The following SREBF2 variants were observed in gnomAD, a reference collection of about 807,000 sequenced individuals.
SREBF2 encodes the protein sterol regulatory element-binding protein 2.
Under a neutral mutation model 113.1 loss-of-function variants are expected in SREBF2, and 55 were observed. The observed-to-expected ratio is 0.49, with a 90% confidence interval of 0.39 to 0.61. SREBF2 has a LOEUF of 0.61. Ranked by LOEUF, SREBF2 falls within the 20% of genes least tolerant of loss-of-function variation. SREBF2 has a pLI of 0.00. For synonymous variants in SREBF2, 593 were observed against 605.7 expected (o/e 0.98, Z 0.31); for missense variants, 1,349 against 1,487.4 (o/e 0.91, Z 1.53).
Position 41,893,229 on chromosome 22 carries a change from G to A in SREBF2, c.2321G>A (p.Ser774Asn), listed in dbSNP as rs541405592. ...GGCCAGAAGTTTTTCATGGAGCGGA[G>A]CTGGTCTGTGAAGTCAGCTGCCAAG... Reference protein sequence around the residue: ...PLGQKFFMERSWSVKSAAKES... With the variant: ...PLGQKFFMERNWSVKSAAKES... The change falls in exon 12 of 19, where the codon AGC becomes AAC. Residue 774 changes from serine to asparagine, a missense_variant. Physicochemically the swap from Ser to Asn is conservative, Grantham distance 46. Coordinates refer to ENST00000361204, the MANE Select transcript of SREBF2 (RefSeq NM_004599.4). The A allele has an allele frequency of 5.0e-5, 81 of 1,614,080 alleles. No homozygotes were observed. Among genetic ancestry groups the A allele is most frequent in the Non-Finnish European group, 6.4e-5 (75 of 1,180,054 alleles).
Position 41,897,136 on chromosome 22 carries a change from G to C in SREBF2, c.2580G>C (p.Arg860Ser), listed in dbSNP as rs2228313. ...SVGVMSPPLSRSSVLKSALGP... is the reference protein window; with the variant it reads ...SVGVMSPPLSSSSVLKSALGP... The stretch of plus-strand genomic sequence containing the variant: ...GGGTTATGAGCCCCCCACTCTCCAG[G>C]AGCTCCGTGCTCAAGTCCGCCCTGG... The change falls in exon 14 of 19, where the codon AGG (arginine) becomes AGC (serine). Residue 860 changes from arginine to serine, a missense_variant. Physicochemically the swap from Arg to Ser is moderately radical, Grantham distance 110 (BLOSUM62 -1). Around this residue, in one of 2 missense-constraint regions of SREBF2, gnomAD observed 650 missense variants for 644.1 expected, o/e 1.01. Transcript: ENST00000361204. The C allele has an allele frequency of 0.076, 122,355 of 1,611,262 alleles. 4,874 individuals carry two copies. Among genetic ancestry groups the C allele is most frequent in the Non-Finnish European group, 0.081 (95,900 of 1,179,300 alleles).
At position 41,833,374 on chromosome 22, in the gene SREBF2, GT is replaced by G; in HGVS notation, c.88+17del. ...GACATCGACGGTGAGTGGTGGGTGG[GT>G]GGGAGTGCGGGGGCCGCGCGGGGAG... On this transcript the variant is annotated intron_variant, in intron 1 of 18. Coordinates refer to ENST00000361204, the MANE Select transcript of SREBF2 (RefSeq NM_004599.4). The surrounding 1 kb of genome is among the most constrained non-coding windows in gnomAD (Gnocchi z 4.1). The G allele has an allele frequency of 1.3e-6, 2 of 1,499,548 alleles. No individual in the cohort carries two copies. Among genetic ancestry groups the G allele is most frequent in the Non-Finnish European group, 1.8e-6 (2 of 1,111,860 alleles). The allele number at this position is 1,499,548 out of a possible 1,614,324, so 92.9% of individuals were successfully genotyped here.
chr22:41,892,421 G>A (rs1347329624), intron 11 of SREBF2, among the ~76,000 whole-genome samples: 4 of 152,184 alleles, frequency 2.6e-5, no homozygotes, highest in South Asian at 2.1e-4. Context: ...AGGCCGAGAC[G>A]GGCGGATCAC....
In SREBF2 at chr22:41,900,322, TG is replaced by T. The variant is rs773061762; in HGVS notation, c.2739-7del. ...GACCTGCCTCTCGACTCCCTGTCAC[TG>T]CTGCAGGAGCCCCCTGGTGAAGGCC... is the stretch of plus-strand genomic sequence containing the variant. On this transcript the variant is annotated splice_region_variant and splice_polypyrimidine_tract_variant and intron_variant, in intron 15 of 18. Transcript: ENST00000361204. 6.2e-5 allele frequency: 100 copies of T among 1,612,086 alleles called. No individual in the cohort carries two copies. Among genetic ancestry groups the T allele is most frequent in the Non-Finnish European group, 7.6e-5 (90 of 1,180,026 alleles).
chr22:41,833,113 G>A lies in SREBF2; in HGVS notation c.-158G>A. 1.9e-6 allele frequency: 1 copy of A among 532,606 alleles called. No individual in the cohort carries two copies. Among genetic ancestry groups the A allele is most frequent in the African/African-American group, 2.0e-5 (1 of 49,550 alleles). The allele number at this position is 532,606 out of a possible 1,614,324, so 33.0% of individuals were successfully genotyped here. A position where few individuals can be genotyped will look rare whatever the true frequency, so the allele number is the denominator to read the frequency against. On this transcript the variant is annotated 5_prime_UTR_variant, in exon 1 of 19. Transcript: ENST00000361204. This position sits in a 1 kb window ranked among gnomAD's most constrained non-coding sequence, Gnocchi z 4.1. Reference sequence around the variant, plus strand: ...GGGAATCCCGCCCCGCCCTTTCTGTGCGGCGCCCGGGCGCAACGCAAACAT... The same window carrying A: ...GGGAATCCCGCCCCGCCCTTTCTGTACGGCGCCCGGGCGCAACGCAAACAT...
intron 17 of SREBF2, 89 bp from the exon 18 acceptor site, chr22:41,904,774 G>A: frequency 9.9e-7 from 1 of 1,006,346 alleles, no homozygotes; most frequent in Non-Finnish European, 1.5e-6. Flanking sequence ...GTCATGAGGT[G>A]GCAGGCGAGA....
At position 41,904,920 on chromosome 22, in the gene SREBF2, C is replaced by T. The variant is rs2077493413; in HGVS notation, c.3151C>T (p.His1051Tyr). The change falls in exon 18 of 19, where the codon CAC becomes TAC. Residue 1051 changes from histidine to tyrosine, a missense_variant. By Grantham distance (83) the His-to-Tyr change is moderately conservative (BLOSUM62 2). Around this residue, in one of 2 missense-constraint regions of SREBF2, gnomAD observed 650 missense variants for 644.1 expected, o/e 1.01. Transcript: ENST00000361204. The stretch of plus-strand genomic sequence containing the variant: ...GGCAGGAGCCAGCCCCACCCGCACC[C>T]ACCAGCTGCTGGAACACAGCCTGCG... ...LMAGASPTRT[H>Y]QLLEHSLRRR... The T allele has an allele frequency of 1.9e-6, 3 of 1,606,206 alleles. No homozygotes were observed. In the East Asian group the frequency reaches 6.7e-5, roughly 36 times the overall value.
chr22:41,885,585 C>T (rs1279317489), intron 11 of SREBF2: 1 of 164,676 alleles, frequency 6.1e-6, no homozygotes, highest in Admixed American at 5.6e-5. Context: ...CTATCAAGCA[C>T]CTCCCATATG....
In SREBF2 at chr22:41,898,774, G is replaced by A; in HGVS notation, c.2731G>A (p.Val911Met). 6.2e-7 allele frequency: 1 copy of A among 1,614,078 alleles called. No homozygotes were observed. The highest frequency in any genetic ancestry group is 8.5e-7 in the Non-Finnish European group (1 of 1,179,994). ...GGAACGCATCCCCAAGGCCCTGGAA[G>A]TGACAGAGTGCGTAACCCTCCTTGG... The part of the protein sequence containing the change: ...KVERIPKALE[V>M]TESPLVKAIF... Residue 911 changes from valine to methionine, a missense_variant, in exon 15 of 19, where the codon GTG (valine) becomes ATG (methionine). Transcript: ENST00000361204.
chr22:41,889,506 T>C (rs893483312), intron 11 of SREBF2, among the ~76,000 whole-genome samples: 2 of 152,244 alleles, frequency 1.3e-5, no homozygotes, highest in South Asian at 4.1e-4. Flanking sequence ...GAAAAAATCA[T>C]ATGTCAAGTT....
intron 14 of SREBF2, 41 bp downstream of exon 14, chr22:41,897,202 T>G: frequency 7.1e-7 from 1 of 1,412,782 alleles, no homozygotes; most frequent in African/African-American, 1.4e-5. Flanking sequence ...GGGTGCTCAG[T>G]TCAGGTCTTC....
chr22:41,881,096 A>G (rs1452970134), intron 10 of SREBF2, 104 bp downstream of exon 10: 1 of 1,452,066 alleles, frequency 6.9e-7, no homozygotes, highest in Non-Finnish European at 9.3e-7. Flanking sequence ...AAGTCCCTTT[A>G]ACGCTACTCT....
intron 1 of SREBF2, among the ~76,000 whole-genome samples, chr22:41,865,145 A>AC: frequency 1.1e-5 from 1 of 92,164 alleles, no homozygotes; most frequent in South Asian, 3.2e-4. Context: ...ATCCCCCAAA[A>AC]AACACACACA....
chr22:41,885,064 CA>C, intron 11 of SREBF2, 53 bp downstream of exon 11: 1 of 1,603,882 alleles, frequency 6.2e-7, no homozygotes. Context: ...CTTACCTAGC[CA>C]GGAGTTAAGA....
intron 13 of SREBF2, 79 bp from the exon 14 acceptor site, chr22:41,896,965 TAGAGCTGG>T: frequency 1.1e-6 from 1 of 928,702 alleles, no homozygotes; most frequent in South Asian, 1.4e-5. Context: ...CATTGGGTCT[TAGAGCTGG>T]AGAGCTGAAC....
intron 16 of SREBF2, 64 bp downstream of exon 16, chr22:41,900,562 A>T: frequency 6.5e-7 from 1 of 1,532,044 alleles, no homozygotes; most frequent in Non-Finnish European, 9.0e-7. Context: ...GAACACTCCC[A>T]CTCACCTCAT....
In SREBF2 at chr22:41,860,262, T is replaced by G. The variant is rs964060759; in HGVS notation, c.89-6569T>G. 1.7e-4 allele frequency among the ~76,000 whole-genome samples: 25 copies of G among 145,764 alleles called. 1 individual carries two copies. Among genetic ancestry groups the G allele is most frequent in the Admixed American group, 6.2e-4 (9 of 14,632 alleles). On this transcript the variant is annotated intron_variant, in intron 1 of 18. Transcript: ENST00000361204. ...CAGTGAAAAAAAAAAAAAGACAAAA[T>G]AGCCTGATAGCAAAAATGGACGAAG...
intron 1 of SREBF2, among the ~76,000 whole-genome samples, chr22:41,851,822 TA>T (rs1160674437): frequency 3.5e-5 from 5 of 141,536 alleles, no homozygotes; most frequent in Admixed American, 7.1e-5. Flanking sequence ...AAAGACACTT[TA>T]AAAAAAAAAC....
At chr22:41,872,659 G>A (rs2077156969) in intron 4 of SREBF2, among the ~76,000 whole-genome samples, 1 of 152,148 alleles carries the variant, frequency 6.6e-6, no homozygotes, top group Non-Finnish European at 1.5e-5. Context: ...GGGAGGCTGA[G>A]GTGGGCAGAT....
Sources: allele counts gnomAD v4.1 joint callset (sites outside exome capture counted in the v4.1 genomes callset), GRCh38; gene constraint gnomAD v4.1.1; regional missense constraint gnomAD v4.1.1; non-coding constraint Gnocchi (gnomAD v3.1); transcripts MANE v1.5; gene names NCBI Gene and HGNC (gene_info 2026-07-23, HGNC 2026-07-21).